CREB3L2: variants seen among roughly 807,000 people sequenced by gnomAD.
CREB3L2 encodes the protein cyclic AMP-responsive element-binding protein 3-like protein 2.
CREB3L2 carries 23 observed loss-of-function variants against 57.2 expected under a neutral mutation model. The observed-to-expected ratio is 0.40, with a 90% CI of 0.29 to 0.57. The LOEUF (loss-of-function observed/expected upper bound fraction) is 0.57. Ranked by LOEUF, CREB3L2 falls within the 20% of genes least tolerant of loss-of-function variation. The probability of loss-of-function intolerance (pLI) is 0.42; values close to 1 mark genes in which losing one functional copy is unlikely to be tolerated. For missense variants in CREB3L2, 628 were observed against 634.7 expected, an observed-to-expected ratio of 0.99 and a Z score of 0.11; for synonymous variants, 268 against 265.1, an observed-to-expected ratio of 1.01 and a Z score of -0.11.
At chr7:137,912,384 A>AG (rs1800028675) in intron 4 of CREB3L2, among the ~76,000 whole-genome samples, 1 of 152,008 alleles carries the variant, frequency 6.6e-6, no homozygotes, top group Admixed American at 6.6e-5. Flanking sequence ...TCAAAAAAAA[A>AG]AAAAAAAAAG....
chr7:137,937,043 CG>C (rs1800799594), intron 1 of CREB3L2, among the ~76,000 whole-genome samples: 1 of 152,142 alleles, frequency 6.6e-6, no homozygotes, highest in African/African-American at 2.4e-5. Context: ...CAAGGCCTGC[CG>C]GGGCTCCTTC....
At position 137,965,711 on chromosome 7, in the gene CREB3L2, C is replaced by T. The variant is rs538611914; in HGVS notation, c.102+35893G>A. On this transcript the variant is annotated intron_variant, in intron 1 of 11. Transcript: ENST00000330387. ...ACTATCTGCAAAGCTCTCTCTTCTACGGTAAAGAGAGTTGACCAGGGTAAC... is the reference window on the plus strand; with the variant it reads ...ACTATCTGCAAAGCTCTCTCTTCTATGGTAAAGAGAGTTGACCAGGGTAAC... Among the ~76,000 whole-genome samples the T allele has an allele frequency of 3.9e-5, 6 of 152,240 alleles. No individual in the cohort carries two copies. In the South Asian group the frequency reaches 6.2e-4, roughly 16 times the overall value.
intron 5 of CREB3L2, among the ~76,000 whole-genome samples, chr7:137,907,689 C>G (rs547711371): frequency 4.3e-4 from 66 of 152,232 alleles, no homozygotes; most frequent in African/African-American, 1.6e-3. Flanking sequence ...AGTTAACGAT[C>G]TATTCTTCTT....
chr7:137,948,287 C>G (rs951157197), intron 1 of CREB3L2, among the ~76,000 whole-genome samples: 2 of 152,254 alleles, frequency 1.3e-5, no homozygotes, highest in Admixed American at 6.5e-5. Flanking sequence ...AACATGCTCA[C>G]TAGTTCATTA....
In CREB3L2 at chr7:137,877,837, A is replaced by G. The variant is rs77924208; in HGVS notation, c.*2639T>C. 2,538 of 228,724 alleles carry G rather than the reference A, an allele frequency of 0.011. 39 individuals carry two copies. Among genetic ancestry groups the G allele is most frequent in the Middle Eastern group, 0.036 (27 of 756 alleles). 14.2% of individuals were successfully genotyped at this position (228,724 alleles called of 1,614,324 possible). ...GATATTCTGGTCTTAATCCCTGAAC[A>G]GAAAATGTGCACACATCCATTAACT... On this transcript the variant is annotated 3_prime_UTR_variant, in exon 12 of 12. Coordinates refer to ENST00000330387, the MANE Select transcript of CREB3L2 (RefSeq NM_194071.4).
chr7:137,931,639 C>T (rs907332167), intron 1 of CREB3L2, among the ~76,000 whole-genome samples: 2 of 151,880 alleles, frequency 1.3e-5, no homozygotes, highest in Non-Finnish European at 2.9e-5. Context: ...CGAGGCTGGC[C>T]TGGCCAACAT....
intron 1 of CREB3L2, among the ~76,000 whole-genome samples, chr7:137,940,149 C>T (rs1011354316): frequency 3.3e-5 from 5 of 152,034 alleles, no homozygotes; most frequent in Non-Finnish European, 7.4e-5. Context: ...AGGTCTCTTG[C>T]CCTCTCTGCA....
chr7:137,910,153 G>C lies in CREB3L2; in HGVS notation c.584-1717C>G, dbSNP rs1799975948. 3.3e-5 allele frequency among the ~76,000 whole-genome samples: 5 copies of C among 152,170 alleles called. No individual in the cohort carries two copies. In the South Asian group the frequency reaches 1.0e-3, roughly 32 times the overall value. Reference sequence around the variant, plus strand: ...AGCAATCAGCATCTCTCTCCTGCAGGAATACCTGAATAGCCGAGGCCACAA... The same window carrying C: ...AGCAATCAGCATCTCTCTCCTGCAGCAATACCTGAATAGCCGAGGCCACAA... On this transcript the variant is annotated intron_variant, in intron 4 of 11. Transcript: ENST00000330387.
At chr7:137,955,393 G>A in intron 1 of CREB3L2, 2 of 997,050 alleles carry the variant, frequency 2.0e-6, no homozygotes, top group Non-Finnish European at 1.4e-6. Context: ...TAGTTCTTCA[G>A]CACGGCCACC....
chr7:137,988,316 C>T (rs557490029), intron 1 of CREB3L2, among the ~76,000 whole-genome samples: 7 of 152,354 alleles, frequency 4.6e-5, no homozygotes, highest in South Asian at 2.1e-4. Context: ...AGTGCCTTTG[C>T]GGGTCCTGAA....
At chr7:137,953,557 G>A in intron 1 of CREB3L2, 2 of 1,271,794 alleles carry the variant, frequency 1.6e-6, no homozygotes, top group Middle Eastern at 2.1e-4. Context: ...GGAGAGTTGG[G>A]TGGGTGATGA....
At position 137,968,120 on chromosome 7, in the gene CREB3L2, C is replaced by T. The variant is rs996663634; in HGVS notation, c.102+33484G>A. Among the ~76,000 whole-genome samples, 3 of 152,022 alleles carry T rather than the reference C, an allele frequency of 2.0e-5. No individual in the cohort carries two copies. In the East Asian group the frequency reaches 5.8e-4, roughly 29 times the overall value. On this transcript the variant is annotated intron_variant, in intron 1 of 11. Coordinates refer to ENST00000330387, the MANE Select transcript of CREB3L2 (RefSeq NM_194071.4). Reference sequence around the variant, plus strand: ...AAAGTCTATTTTCTTTCCAATACAACACAGCGTCGTTTCTACCCCATTTTG... The same window carrying T: ...AAAGTCTATTTTCTTTCCAATACAATACAGCGTCGTTTCTACCCCATTTTG...
Position 137,907,373 on chromosome 7 carries a change from G to A in CREB3L2, c.768+879C>T, listed in dbSNP as rs144662248. On this transcript the variant is annotated intron_variant, in intron 5 of 11. Transcript: ENST00000330387. Reference sequence around the variant, plus strand: ...GTACACACAGGTATATAGGATACAAGCTATTCTAGTAATCCAAGGAGTGAA... The same window carrying A: ...GTACACACAGGTATATAGGATACAAACTATTCTAGTAATCCAAGGAGTGAA... Among the ~76,000 whole-genome samples, 436 of 152,316 alleles carry A rather than the reference G, an allele frequency of 2.9e-3. 4 individuals are homozygous for A. Among genetic ancestry groups the A allele is most frequent in the African/African-American group, 9.9e-3 (410 of 41,578 alleles).
chr7:138,001,994 G>A lies in CREB3L2; in HGVS notation c.-289C>T, dbSNP rs62488320. On this transcript the variant is annotated 5_prime_UTR_variant, in exon 1 of 12. Coordinates refer to ENST00000330387, the MANE Select transcript of CREB3L2 (RefSeq NM_194071.4). The surrounding 1 kb of genome is among the most constrained non-coding windows in gnomAD (Gnocchi z 4.2). ...CATCCAAAATGAAGGCAGAAGACCC[G>A]CTCTCATCCCAGGAAAATCCCTTAG... 482 of 383,060 alleles carry A rather than the reference G, an allele frequency of 1.3e-3. 1 individual carries two copies. The highest frequency in any genetic ancestry group is 4.2e-3 in the Middle Eastern group (6 of 1,442). The allele number at this position is 383,060 out of a possible 1,614,324, so 23.7% of individuals were successfully genotyped here. A position where few individuals can be genotyped will look rare whatever the true frequency, so the allele number is the denominator to read the frequency against.
chr7:137,990,886 CTGTT>C (rs1280287431), intron 1 of CREB3L2, among the ~76,000 whole-genome samples: 1 of 152,120 alleles, frequency 6.6e-6, no homozygotes, highest in Non-Finnish European at 1.5e-5. Flanking sequence ...AACTAGGAAA[CTGTT>C]TGCAGATTTT....
chr7:137,964,299 C>A (rs61424261), intron 1 of CREB3L2, among the ~76,000 whole-genome samples: 17,457 of 152,174 alleles, frequency 0.11, 2,429 homozygotes, highest in African/African-American at 0.33. Flanking sequence ...CTAGGGGACA[C>A]GAGCGAGACT....
intron 1 of CREB3L2, among the ~76,000 whole-genome samples, chr7:137,943,974 G>T (rs974596080): frequency 3.9e-5 from 6 of 152,186 alleles, no homozygotes. Context: ...GCAAAATGCA[G>T]CACTGTGTCA....
At chr7:137,939,106 T>G (rs1253729081) in intron 1 of CREB3L2, among the ~76,000 whole-genome samples, 1 of 152,246 alleles carries the variant, frequency 6.6e-6, no homozygotes, top group East Asian at 1.9e-4. Context: ...GTAGGGCCTG[T>G]CCTTCCATGG....
chr7:137,912,968 G>A, intron 4 of CREB3L2, 23 bp downstream of exon 4: 5 of 1,612,964 alleles, frequency 3.1e-6, no homozygotes, highest in South Asian at 2.2e-5. Flanking sequence ...TAACCCAAAG[G>A]GACACAGGGA....
Sources: gnomAD v4.1 joint callset for allele counts (sites outside exome capture counted in the v4.1 genomes callset) on GRCh38, gnomAD v4.1.1 for gene constraint, Gnocchi (gnomAD v3.1) non-coding constraint, MANE v1.5 for transcripts, NCBI Gene and HGNC (gene_info 2026-07-23, HGNC 2026-07-21) for gene names.